The following PHF21A variants were observed in gnomAD, a reference collection of about 807,000 sequenced individuals.
PHF21A encodes BHC80a.
PHF21A carries 11 observed loss-of-function variants against 82.5 expected under a neutral mutation model. The ratio of observed to expected loss-of-function variants is 0.13; its 90% CI spans 0.08 to 0.22. The LOEUF (loss-of-function observed/expected upper bound fraction) is 0.22. PHF21A is among the 10% of genes least tolerant of loss of function. The pLI is 1.00. For synonymous variants in PHF21A, 297 were observed against 302.8 expected (o/e 0.98, Z 0.20); for missense variants, 579 against 837.8 (o/e 0.69, Z 3.81).
rs547478685 is a variant in PHF21A at position 45,940,820 on chromosome 11, T to A, written c.1453-2508A>T. Among the ~76,000 whole-genome samples the A allele has an allele frequency of 2.0e-5, 3 of 152,324 alleles. 1 individual carries two copies. The South Asian group carries it at 6.2e-4, about 32-fold the overall frequency. On this transcript the variant is annotated intron_variant, in intron 15 of 18. Transcript: ENST00000676320. Reference sequence around the variant, plus strand: ...AAAAAATTATCAGTGATGGAGTGAATGAGACAAACTGGGCATCTTATTCAG... The same window carrying A: ...AAAAAATTATCAGTGATGGAGTGAAAGAGACAAACTGGGCATCTTATTCAG...
At chr11:46,066,580 C>T (rs1180053717) in intron 6 of PHF21A, among the ~76,000 whole-genome samples, 2 of 151,996 alleles carry the variant, frequency 1.3e-5, no homozygotes, top group African/African-American at 2.4e-5. Flanking sequence ...ATGCCTGTAG[C>T]CCCAGCCACT....
chr11:46,059,851 C>CA (rs1330379896), intron 6 of PHF21A, among the ~76,000 whole-genome samples: 5 of 152,136 alleles, frequency 3.3e-5, no homozygotes, highest in African/African-American at 1.2e-4. Context: ...CTCAGCCTCC[C>CA]AAGTAGCTGG....
intron 6 of PHF21A, among the ~76,000 whole-genome samples, chr11:46,042,623 A>C (rs2096172979): frequency 1.3e-5 from 2 of 152,014 alleles, no homozygotes; most frequent in Admixed American, 6.6e-5. Context: ...GTTTGTGTCC[A>C]CTCAAAATAC....
At chr11:46,085,190 G>A (rs1365270421) in intron 3 of PHF21A, among the ~76,000 whole-genome samples, 1 of 152,078 alleles carries the variant, frequency 6.6e-6, no homozygotes, top group Non-Finnish European at 1.5e-5. Context: ...CAATATAACT[G>A]TACTATCCAC....
chr11:46,078,281 A>G (rs761970057), intron 5 of PHF21A, among the ~76,000 whole-genome samples: 138 of 152,302 alleles, frequency 9.1e-4, no homozygotes, highest in Admixed American at 4.4e-3. Context: ...CCAAAAATCA[A>G]TGTGCCTCAG....
Position 45,936,517 on chromosome 11 carries a change from T to G in PHF21A, c.1661A>C (p.His554Pro). 1 of 1,612,680 alleles carries G rather than the reference T, an allele frequency of 6.2e-7. No homozygotes were observed. The highest frequency in any genetic ancestry group is 8.5e-7 in the Non-Finnish European group (1 of 1,178,662). ...IPWPGTLAIV[H>P]SYIAYKAAKE... is the part of the protein sequence containing the mutation. ...ACCTGCTTTGTAGGCAATATAGGAA[T>G]GAACAATTGCTAAAGTTCCAGGCCA... Residue 554 changes from histidine (H) to proline (P), a missense_variant, in exon 17 of 19, where the codon CAT becomes CCT. His to Pro is a moderately conservative substitution (Grantham distance 77, BLOSUM62 -2). Around this residue, in one of 3 missense-constraint regions of PHF21A, gnomAD observed 410 missense variants for 642.1 expected, o/e 0.64. Transcript: ENST00000676320.
At chr11:45,939,871 A>C (rs2090009130) in intron 15 of PHF21A, among the ~76,000 whole-genome samples, 1 of 152,170 alleles carries the variant, frequency 6.6e-6, no homozygotes, top group Non-Finnish European at 1.5e-5. Flanking sequence ...CACTGATAAG[A>C]ACACCAGGGA....
Position 45,935,741 on chromosome 11 carries a change from TAAAAAAAAA to T in PHF21A, c.1685-11_1685-3del, listed in dbSNP as rs35995547. ...ACTTCTGTTTCTCTTCTTCTTTTGC[TAAAAAAAAA>T]AAAAAAAAAAAAAAGGAACGGTTTT... On this transcript the variant is annotated splice_region_variant and splice_polypyrimidine_tract_variant and intron_variant, in intron 17 of 18. Coordinates refer to ENST00000676320, the MANE Select transcript of PHF21A (RefSeq NM_001352027.3). The T allele has an allele frequency of 7.3e-5, 38 of 523,566 alleles. No homozygotes were observed. Among genetic ancestry groups the T allele is most frequent in the Middle Eastern group, 4.1e-4 (1 of 2,422 alleles). 32.4% of individuals were successfully genotyped at this position (523,566 alleles called of 1,614,324 possible). A position where few individuals can be genotyped will look rare whatever the true frequency, so the allele number is the denominator to read the frequency against.
At chr11:46,041,655 A>C (rs1201962411) in intron 6 of PHF21A, among the ~76,000 whole-genome samples, 2 of 152,206 alleles carry the variant, frequency 1.3e-5, no homozygotes, top group Non-Finnish European at 2.9e-5. Context: ...ATGAAGACCC[A>C]GATTTAAAAC....
chr11:46,002,383 A>G (rs779720039), intron 6 of PHF21A, among the ~76,000 whole-genome samples: 12 of 152,186 alleles, frequency 7.9e-5, no homozygotes, highest in Admixed American at 3.3e-4. Flanking sequence ...GAAATAAACT[A>G]ATTTGTAACT....
chr11:46,018,409 T>C (rs2095561671), intron 6 of PHF21A, among the ~76,000 whole-genome samples: 1 of 152,192 alleles, frequency 6.6e-6, no homozygotes, highest in African/African-American at 2.4e-5. Flanking sequence ...AGTATAGTAT[T>C]AACACTTAGC....
chr11:45,953,688 A>G, intron 10 of PHF21A, 63 bp from the exon 11 acceptor site: 1 of 1,021,030 alleles, frequency 9.8e-7, no homozygotes. Flanking sequence ...TGAAGCAATC[A>G]GAAGTTTAAT....
chr11:46,018,408 T>C (rs1412343054), intron 6 of PHF21A, among the ~76,000 whole-genome samples: 2 of 152,168 alleles, frequency 1.3e-5, no homozygotes, highest in African/African-American at 2.4e-5. Context: ...CAGTATAGTA[T>C]TAACACTTAG....
intron 3 of PHF21A, among the ~76,000 whole-genome samples, chr11:46,088,027 G>C (rs536570626): frequency 8.7e-4 from 132 of 152,290 alleles, no homozygotes; most frequent in African/African-American, 3.1e-3. Context: ...CAAAGTGTGG[G>C]ATTACAGGTG....
chr11:46,061,180 C>T (rs1184569748), intron 6 of PHF21A, among the ~76,000 whole-genome samples: 1 of 152,114 alleles, frequency 6.6e-6, no homozygotes, highest in Non-Finnish European at 1.5e-5. Context: ...TGTTTTTGTA[C>T]CAGTACCATG....
chr11:45,991,924 C>T (rs2094716699), intron 6 of PHF21A, among the ~76,000 whole-genome samples: 1 of 152,180 alleles, frequency 6.6e-6, no homozygotes, highest in South Asian at 2.1e-4. Flanking sequence ...TGAAATCTCA[C>T]TCACGTGAAC....
chr11:46,005,116 C>T (rs1422683804), intron 6 of PHF21A, among the ~76,000 whole-genome samples: 6 of 152,082 alleles, frequency 3.9e-5, no homozygotes, highest in Admixed American at 6.6e-5. Flanking sequence ...CAAGAGCAAC[C>T]GCAGTCCAAA....
rs536357861 is a variant in PHF21A at position 46,031,006 on chromosome 11, A to G, written c.153+45748T>C. On this transcript the variant is annotated intron_variant, in intron 6 of 18. Coordinates refer to ENST00000676320, the MANE Select transcript of PHF21A (RefSeq NM_001352027.3). Reference sequence around the variant, plus strand: ...CCTAAAATGCAAATAATGCAGAGCCATAAGGAGCTAGAGCCTACACCAGTG... The same window carrying G: ...CCTAAAATGCAAATAATGCAGAGCCGTAAGGAGCTAGAGCCTACACCAGTG... Among the ~76,000 whole-genome samples the G allele has an allele frequency of 1.2e-3, 182 of 152,282 alleles. 1 individual carries two copies. Among genetic ancestry groups the G allele is most frequent in the African/African-American group, 4.2e-3 (176 of 41,558 alleles).
At chr11:45,962,684 G>GA (rs1165116039) in intron 10 of PHF21A, among the ~76,000 whole-genome samples, 1 of 106,306 alleles carries the variant, frequency 9.4e-6, no homozygotes, top group African/African-American at 3.4e-5. Context: ...CTGAGGTCAG[G>GA]AGTCTGAGAC....
Sources: allele counts gnomAD v4.1 joint callset (sites outside exome capture counted in the v4.1 genomes callset), GRCh38; gene constraint gnomAD v4.1.1; regional missense constraint gnomAD v4.1.1; transcripts MANE v1.5; gene names NCBI Gene and HGNC (gene_info 2026-07-23, HGNC 2026-07-21).